The following CECR2 variants were observed in gnomAD, a reference collection of about 807,000 sequenced individuals.
CECR2 encodes chromatin remodeling regulator CECR2.
Under a neutral mutation model 154.5 loss-of-function variants are expected in CECR2, and 30 were observed. The observed-to-expected ratio is 0.19, with a 90% CI of 0.15 to 0.26. The LOEUF is 0.26. CECR2 is among the 10% of genes least tolerant of loss of function. The pLI, the probability that CECR2 is intolerant of heterozygous loss-of-function variation, is 1.00. For missense variants in CECR2, 1,743 were observed against 1,829.3 expected, an observed-to-expected ratio of 0.95 and a Z score of 0.86; for synonymous variants, 725 against 683.7, an observed-to-expected ratio of 1.06 and a Z score of -0.94.
chr22:17,533,456 C>A (rs2056390167), intron 9 of CECR2, among the ~76,000 whole-genome samples: 1 of 151,852 alleles, frequency 6.6e-6, no homozygotes, highest in African/African-American at 2.4e-5. Flanking sequence ...ATGATGAAAC[C>A]CCGTCTCTAC....
At chr22:17,377,358 C>G (rs904239342) in intron 1 of CECR2, among the ~76,000 whole-genome samples, 2 of 152,042 alleles carry the variant, frequency 1.3e-5, no homozygotes, top group African/African-American at 2.4e-5. Flanking sequence ...TTAAAGTGAC[C>G]TAAGATTTTG....
chr22:17,455,800 G>A lies in CECR2; in HGVS notation c.127-21788G>A, dbSNP rs545754882. Among the ~76,000 whole-genome samples the A allele has an allele frequency of 2.4e-4, 37 of 152,254 alleles. No individual in the cohort carries two copies. In the East Asian group the frequency reaches 5.8e-3, roughly 24 times the overall value. On this transcript the variant is annotated intron_variant, in intron 1 of 18. Transcript: ENST00000262608. The stretch of plus-strand genomic sequence containing the variant: ...TAATTTTTGTATTTTTAGTAGAGAC[G>A]GGGTTTCACCATGTTAGTCAGGCTG...
At position 17,540,575 on chromosome 22, in the gene CECR2, T is replaced by A. The variant is rs376460956; in HGVS notation, c.1659T>A (p.Val553=). The A allele has an allele frequency of 6.2e-6, 10 of 1,612,928 alleles. No homozygotes were observed. Among genetic ancestry groups the A allele is most frequent in the Non-Finnish European group, 7.6e-6 (9 of 1,179,296 alleles). The change falls in exon 14 of 19, where the codon GTT becomes GTA. Residue 553 remains valine (V), a synonymous_variant. Coordinates refer to ENST00000262608, the MANE Select transcript of CECR2 (RefSeq NM_001290047.2). The stretch of plus-strand genomic sequence containing the variant: ...CTGGGCGAAGTGGTGGGAGCCATGT[T>A]TGGACCCGCTCCAGGGACCCAGAAG... ...SRAGRSGGSH[V]WTRSRDPEGS...
intron 1 of CECR2, among the ~76,000 whole-genome samples, chr22:17,414,118 G>A (rs527893154): frequency 0.015 from 2,267 of 152,050 alleles, 31 homozygotes; most frequent in Non-Finnish European, 0.025. Context: ...GACTACAGGT[G>A]CCTGCCACCA....
intron 16 of CECR2, among the ~76,000 whole-genome samples, chr22:17,547,885 C>A (rs940903031): frequency 6.6e-6 from 1 of 152,102 alleles, no homozygotes; most frequent in Non-Finnish European, 1.5e-5. Context: ...GGGCAACCCA[C>A]GGTTAAGGAC....
intron 1 of CECR2, among the ~76,000 whole-genome samples, chr22:17,446,280 G>A (rs749846993): frequency 4.9e-4 from 74 of 152,316 alleles, no homozygotes; most frequent in Non-Finnish European, 8.2e-4. Flanking sequence ...GGAGGCTGGG[G>A]CAGGAGGATT....
chr22:17,446,072 C>T lies in CECR2; in HGVS notation c.127-31516C>T, dbSNP rs535810922. Among the ~76,000 whole-genome samples the T allele has an allele frequency of 4.0e-4, 61 of 152,182 alleles. 1 individual carries two copies. The highest frequency in any genetic ancestry group is 1.4e-3 in the African/African-American group (60 of 41,520). On this transcript the variant is annotated intron_variant, in intron 1 of 18. Transcript: ENST00000262608. ...TGCACAGTCCTTGGATCAATGGTGC[C>T]AGCATCACCTAGGAGCTTGTTTACA...
Position 17,459,666 on chromosome 22 carries a change from A to G in CECR2, c.127-17922A>G, listed in dbSNP as rs1284661231. ...TACAGAGAAATAGAAAAAGAGAACA[A>G]TGAAAGCCACATGCCAAAATTATTA... is the stretch of plus-strand genomic sequence containing the variant. On this transcript the variant is annotated intron_variant, in intron 1 of 18. Coordinates refer to ENST00000262608, the MANE Select transcript of CECR2 (RefSeq NM_001290047.2). Among the ~76,000 whole-genome samples, 8 of 152,176 alleles carry G rather than the reference A, an allele frequency of 5.3e-5. No individual in the cohort carries two copies. In the East Asian group the frequency reaches 9.6e-4, roughly 18 times the overall value.
chr22:17,530,652 G>C (rs1050398074), intron 9 of CECR2, among the ~76,000 whole-genome samples: 1 of 151,804 alleles, frequency 6.6e-6, no homozygotes, highest in Admixed American at 6.6e-5. Context: ...ATTCCAGCCT[G>C]GGCAACAGAG....
At chr22:17,517,814 A>C (rs2056085430) in intron 8 of CECR2, among the ~76,000 whole-genome samples, 1 of 152,244 alleles carries the variant, frequency 6.6e-6, no homozygotes, top group Non-Finnish European at 1.5e-5. Context: ...GTCATCGTAC[A>C]TAACAGGGCA....
chr22:17,547,886 G>A (rs1036457821), intron 16 of CECR2, among the ~76,000 whole-genome samples: 37 of 152,222 alleles, frequency 2.4e-4, no homozygotes, highest in African/African-American at 7.9e-4. Context: ...GGCAACCCAC[G>A]GTTAAGGACA....
intron 1 of CECR2, among the ~76,000 whole-genome samples, chr22:17,422,346 C>T (rs1490467232): frequency 1.3e-5 from 2 of 152,030 alleles, no homozygotes; most frequent in African/African-American, 4.8e-5. Context: ...TACAGGCGCG[C>T]GCCACCAGGC....
rs372510090 is a variant in CECR2, at chr22:17,542,425, G to A, written c.2282G>A (p.Arg761Gln). The change falls in exon 16 of 19, where the codon CGA becomes CAA. Residue 761 changes from arginine (R) to glutamine (Q), a missense_variant. This residue lies in a region of CECR2 where 1,250 missense variants were observed against 1,192.1 expected (regional missense o/e 1.05). Transcript: ENST00000262608. Reference sequence around the variant, plus strand: ...GAAATTCCTCCCAGCCATATGTATCGATCGTACAAGTACCTGAATCGAGTA... The same window carrying A: ...GAAATTCCTCCCAGCCATATGTATCAATCGTACAAGTACCTGAATCGAGTA... ...SSEIPPSHMY[R>Q]SYKYLNRVHS... The A allele has an allele frequency of 4.6e-5, 75 of 1,613,732 alleles. No homozygotes were observed. Among genetic ancestry groups the A allele is most frequent in the East Asian group, 1.1e-4 (5 of 44,882 alleles).
chr22:17,529,110 G>C (rs2056311344), intron 9 of CECR2, among the ~76,000 whole-genome samples: 1 of 152,124 alleles, frequency 6.6e-6, no homozygotes, highest in African/African-American at 2.4e-5. Context: ...AAAAAAGAAA[G>C]CCCTCTCTGA....
intron 1 of CECR2, among the ~76,000 whole-genome samples, chr22:17,413,975 C>CGGAAGGAGGATTATTAATCACT (rs2054108284): frequency 1.5e-5 from 2 of 135,946 alleles, no homozygotes; most frequent in South Asian, 4.8e-4. Flanking sequence ...CCGCGCCCGG[C>CGGAAGGAGGATTATTAATCACT]CTATTATTAT....
intron 2 of CECR2, among the ~76,000 whole-genome samples, chr22:17,482,919 G>C (rs1244821473): frequency 3.9e-5 from 6 of 152,098 alleles, no homozygotes; most frequent in South Asian, 2.1e-4. Context: ...CTGACCTCGT[G>C]ATCCTCCCAC....
At chr22:17,366,941 GACAA>G (rs1212852907), upstream of CECR2, among the ~76,000 whole-genome samples, 5 of 152,264 alleles carry the variant, frequency 3.3e-5, no homozygotes, top group African/African-American at 1.2e-4. Flanking sequence ...AAACTGTAGA[GACAA>G]ACAGAGTTAG....
At chr22:17,388,045 C>T (rs1192044632) in intron 1 of CECR2, among the ~76,000 whole-genome samples, 1 of 151,972 alleles carries the variant, frequency 6.6e-6, no homozygotes, top group African/African-American at 2.4e-5. Context: ...ACCTCTGCCT[C>T]CCAGGTTCAA....
At chr22:17,490,724 C>T (rs142713909) in intron 2 of CECR2, among the ~76,000 whole-genome samples, 1 of 152,190 alleles carries the variant, frequency 6.6e-6, no homozygotes, top group Non-Finnish European at 1.5e-5. Context: ...GCTAGGATTA[C>T]AGGCATGAGC....
Sources: gnomAD v4.1 joint callset for allele counts (sites outside exome capture counted in the v4.1 genomes callset) on GRCh38, gnomAD v4.1.1 for gene constraint, gnomAD v4.1.1 regional missense constraint, MANE v1.5 for transcripts, NCBI Gene and HGNC (gene_info 2026-07-23, HGNC 2026-07-21) for gene names.